SGK1: variants seen among roughly 807,000 people sequenced by gnomAD.
The protein encoded by SGK1 is serine/threonine-protein kinase Sgk1.
Under a neutral mutation model 64.2 loss-of-function variants are expected in SGK1, and 26 were observed. That is an observed-to-expected ratio of 0.40 (90% CI 0.30 to 0.56). SGK1 has a LOEUF of 0.56. Ranked by LOEUF, SGK1 falls within the 20% of genes least tolerant of loss-of-function variation. The pLI is 0.38. For synonymous variants in SGK1, 265 were observed against 239.7 expected, an observed-to-expected ratio of 1.11 and a Z score of -0.98; for missense variants, 519 against 645.6, an observed-to-expected ratio of 0.80 and a Z score of 2.12.
chr6:134,240,118 C>A (rs904963666), intron 2 of SGK1, among the ~76,000 whole-genome samples: 2 of 151,984 alleles, frequency 1.3e-5, no homozygotes. Flanking sequence ...ATGGTGAAAC[C>A]CTGTCTTTAC....
intron 1 of SGK1, among the ~76,000 whole-genome samples, chr6:134,294,428 C>G (rs1777310126): frequency 6.6e-6 from 1 of 152,162 alleles, no homozygotes; most frequent in Non-Finnish European, 1.5e-5. Flanking sequence ...TGGCAAGGAC[C>G]ATTCTACTTT....
intron 2 of SGK1, among the ~76,000 whole-genome samples, chr6:134,247,211 A>G (rs1187377332): frequency 6.6e-6 from 1 of 152,182 alleles, no homozygotes; most frequent in African/African-American, 2.4e-5. Flanking sequence ...CTATTTTCAG[A>G]ATACTTTGGT....
At chr6:134,269,612 C>T (rs1255275052) in intron 1 of SGK1, among the ~76,000 whole-genome samples, 3 of 144,010 alleles carry the variant, frequency 2.1e-5, no homozygotes, top group Admixed American at 7.2e-5. Flanking sequence ...GAGCCAAGAT[C>T]GTGCCACTGC....
chr6:134,226,468 G>C (rs62425168), intron 2 of SGK1, among the ~76,000 whole-genome samples: 1 of 151,900 alleles, frequency 6.6e-6, no homozygotes. Flanking sequence ...GGAGGCCAAG[G>C]CTGTGGATTG....
chr6:134,186,404 T>A (rs1026398265), intron 3 of SGK1, among the ~76,000 whole-genome samples: 1 of 152,166 alleles, frequency 6.6e-6, no homozygotes, highest in African/African-American at 2.4e-5. Context: ...TAAATACTGA[T>A]ATAAAGTCAA....
intron 1 of SGK1, among the ~76,000 whole-genome samples, chr6:134,276,373 G>A (rs982856036): frequency 1.3e-5 from 2 of 152,190 alleles, no homozygotes; most frequent in African/African-American, 4.8e-5. Context: ...GGCTGTGATG[G>A]GGATAGGTGA....
chr6:134,237,132 G>A (rs998505771), intron 2 of SGK1, among the ~76,000 whole-genome samples: 4 of 146,998 alleles, frequency 2.7e-5, no homozygotes, highest in African/African-American at 5.0e-5. Flanking sequence ...TCAGCTCACT[G>A]CAACCTCTGC....
intron 2 of SGK1, among the ~76,000 whole-genome samples, chr6:134,240,511 C>A (rs1776426948): frequency 6.6e-6 from 1 of 152,078 alleles, no homozygotes; most frequent in Non-Finnish European, 1.5e-5. Context: ...CGCTGAATAT[C>A]CTGTATATTC....
intron 1 of SGK1, among the ~76,000 whole-genome samples, chr6:134,313,396 G>A (rs1777635098): frequency 6.6e-6 from 1 of 152,002 alleles, no homozygotes; most frequent in African/African-American, 2.4e-5. Context: ...AAAATACAGA[G>A]TCAAAATGGA....
At chr6:134,267,173 T>G (rs932049472) in intron 1 of SGK1, among the ~76,000 whole-genome samples, 1 of 151,346 alleles carries the variant, frequency 6.6e-6, no homozygotes, top group Non-Finnish European at 1.5e-5. Context: ...CAAAATAAAA[T>G]TTTTTTTAAA....
chr6:134,176,871 C>G (rs527774591), intron 3 of SGK1, among the ~76,000 whole-genome samples: 1 of 152,330 alleles, frequency 6.6e-6, no homozygotes, highest in African/African-American at 2.4e-5. Context: ...AACACATTCT[C>G]TCTCCTGGAG....
At chr6:134,241,842 G>A (rs1225203644) in intron 2 of SGK1, among the ~76,000 whole-genome samples, 1 of 150,926 alleles carries the variant, frequency 6.6e-6, no homozygotes, top group Non-Finnish European at 1.5e-5. Context: ...GGATGGTCTC[G>A]ATCTCCTGAC....
At chr6:134,170,601 A>C in intron 13 of SGK1, 166 bp from the exon 14 acceptor site, 1 of 710,456 alleles carries the variant, frequency 1.4e-6, no homozygotes, top group South Asian at 2.0e-5. Context: ...AAACATAAGA[A>C]TAATGTTCAC....
intron 2 of SGK1, among the ~76,000 whole-genome samples, chr6:134,219,976 G>A (rs1415166354): frequency 3.7e-5 from 5 of 136,248 alleles, no homozygotes; most frequent in African/African-American, 5.5e-5. Flanking sequence ...GGAGAATGGC[G>A]TTAACCCGGG....
intron 2 of SGK1, among the ~76,000 whole-genome samples, chr6:134,229,033 C>T (rs1197465107): frequency 1.3e-5 from 2 of 152,172 alleles, no homozygotes; most frequent in African/African-American, 4.8e-5. Context: ...TTAGTAGAGA[C>T]GGGGTTTCAC....
chr6:134,238,988 G>A (rs1776404704), intron 2 of SGK1, among the ~76,000 whole-genome samples: 1 of 152,170 alleles, frequency 6.6e-6, no homozygotes, highest in African/African-American at 2.4e-5. Context: ...CCTATTTTGT[G>A]AATCAGAATT....
At chr6:134,189,770 G>A (rs1227987895) in intron 3 of SGK1, among the ~76,000 whole-genome samples, 1 of 152,098 alleles carries the variant, frequency 6.6e-6, no homozygotes, top group East Asian at 1.9e-4. Flanking sequence ...TATTTAATAA[G>A]CCCTGACTTT....
rs1411387583 is a variant in SGK1 at position 134,171,858 on chromosome 6, C to T, written c.1072-126G>A. 1.0e-5 allele frequency: 7 copies of T among 672,186 alleles called. No homozygotes were observed. The East Asian group carries it at 1.6e-4, about 16-fold the overall frequency. 41.6% of individuals were successfully genotyped at this position (672,186 alleles called of 1,614,324 possible). ...TTGGAAGATAGATATCTTTAGATTC[C>T]TTCCTGATAAAACTGCTGGACTTTT... On this transcript the variant is annotated intron_variant, in intron 10 of 13. Coordinates refer to ENST00000367858, the MANE Select transcript of SGK1 (RefSeq NM_001143676.3).
At chr6:134,221,097 A>G (rs1776084798) in intron 2 of SGK1, among the ~76,000 whole-genome samples, 1 of 151,700 alleles carries the variant, frequency 6.6e-6, no homozygotes, top group Non-Finnish European at 1.5e-5. Context: ...TGAGGTCAAG[A>G]GTTCGAAACC....
Sources: gnomAD v4.1 joint callset for allele counts (sites outside exome capture counted in the v4.1 genomes callset) on GRCh38, gnomAD v4.1.1 for gene constraint, MANE v1.5 for transcripts, NCBI Gene and HGNC (gene_info 2026-07-23, HGNC 2026-07-21) for gene names.